The following CNTNAP5 variants were observed in gnomAD, a reference collection of about 807,000 sequenced individuals.
CNTNAP5 encodes contactin associated protein family member 5.
A neutral mutation model predicts 150.2 loss-of-function variants in CNTNAP5; 72 were observed. That is an observed-to-expected ratio of 0.48 (90% CI 0.40 to 0.58). The LOEUF (loss-of-function observed/expected upper bound fraction) is 0.58. Among genes scored for constraint, CNTNAP5 ranks in the 20% least tolerant of loss-of-function variants. CNTNAP5 has a pLI of 0.00. For synonymous variants in CNTNAP5, 672 were observed against 619.8 expected (o/e 1.08, Z -1.25); for missense variants, 1,636 against 1,626.2 (o/e 1.01, Z -0.10).
intron 10 of CNTNAP5, among the ~76,000 whole-genome samples, chr2:124,562,183 C>CA (rs1282108165): frequency 6.6e-6 from 1 of 152,186 alleles, no homozygotes; most frequent in African/African-American, 2.4e-5. Flanking sequence ...CCTCCACTCC[C>CA]ATTAGCCCAA....
chr2:124,898,040 G>A (rs1243258703), intron 21 of CNTNAP5, among the ~76,000 whole-genome samples: 1 of 149,680 alleles, frequency 6.7e-6, no homozygotes, highest in South Asian at 2.1e-4. Context: ...TTATTTCTTG[G>A]ATTTTGGGTC....
At chr2:124,756,791 A>G in intron 14 of CNTNAP5, among the ~76,000 whole-genome samples, 1 of 152,070 alleles carries the variant, frequency 6.6e-6, no homozygotes, top group East Asian at 1.9e-4. Flanking sequence ...GAGGAGGGAG[A>G]GCATCAGGAA....
At chr2:124,279,832 T>G (rs1430268) in intron 3 of CNTNAP5, among the ~76,000 whole-genome samples, 13,805 of 152,080 alleles carry the variant, frequency 0.091, 708 homozygotes, top group Non-Finnish European at 0.12. Context: ...CAGGGATTCA[T>G]CCCTTACCAC....
intron 13 of CNTNAP5, among the ~76,000 whole-genome samples, chr2:124,713,852 G>A (rs1679890406): frequency 6.6e-6 from 1 of 152,104 alleles, no homozygotes; most frequent in Admixed American, 6.6e-5. Flanking sequence ...CAAGGAGCAT[G>A]AGGCTCATCA....
intron 10 of CNTNAP5, among the ~76,000 whole-genome samples, chr2:124,555,826 G>A (rs368248946): frequency 3.3e-5 from 5 of 152,184 alleles, no homozygotes; most frequent in South Asian, 4.1e-4. Flanking sequence ...AACTAGAAGC[G>A]AAGAGGGATT....
At chr2:124,059,246 C>T (rs997594443) in intron 1 of CNTNAP5, among the ~76,000 whole-genome samples, 2 of 152,126 alleles carry the variant, frequency 1.3e-5, no homozygotes, top group African/African-American at 4.8e-5. Flanking sequence ...CTAATGGCCT[C>T]ACTAGATTTG....
At chr2:124,876,308 GA>G (rs1677859884) in intron 21 of CNTNAP5, among the ~76,000 whole-genome samples, 1 of 151,994 alleles carries the variant, frequency 6.6e-6, no homozygotes, top group African/African-American at 2.4e-5. Context: ...GAAGAGAGTG[GA>G]GATAGTTCAG....
intron 3 of CNTNAP5, among the ~76,000 whole-genome samples, chr2:124,244,682 G>T (rs1286923438): frequency 1.3e-5 from 2 of 152,110 alleles, no homozygotes; most frequent in Non-Finnish European, 2.9e-5. Flanking sequence ...GTAAAATAGA[G>T]TGGCGTTAGG....
intron 1 of CNTNAP5, among the ~76,000 whole-genome samples, chr2:124,183,936 A>G (rs989823651): frequency 6.6e-6 from 1 of 152,204 alleles, no homozygotes; most frequent in Non-Finnish European, 1.5e-5. Context: ...CACGAACCTA[A>G]TAGATTATGT....
rs1036499291 is a variant in CNTNAP5 at position 124,897,959 on chromosome 2, G to C, written c.3437-4923G>C. Among the ~76,000 whole-genome samples the C allele has an allele frequency of 1.9e-4, 28 of 150,708 alleles. 2 individuals carry two copies. Among genetic ancestry groups the C allele is most frequent in the African/African-American group, 6.9e-4 (28 of 40,416 alleles). The stretch of plus-strand genomic sequence containing the variant: ...CAAGTGTGTGTGTGTGTGTGTGTGT[G>C]TGTGTGTGTGTGTGTGTGTATGTGT... On this transcript the variant is annotated intron_variant, in intron 21 of 23. Transcript: ENST00000682447.
chr2:124,813,830 C>T (rs1182814224), intron 19 of CNTNAP5, among the ~76,000 whole-genome samples: 1 of 151,934 alleles, frequency 6.6e-6, no homozygotes, highest in Non-Finnish European at 1.5e-5. Flanking sequence ...ATAGCTGCTT[C>T]CACAGTCTCT....
intron 13 of CNTNAP5, among the ~76,000 whole-genome samples, chr2:124,707,144 G>C: frequency 3.2e-5 from 1 of 30,924 alleles, no homozygotes; most frequent in Non-Finnish European, 6.6e-5. Context: ...AGAAGAGGAA[G>C]AAGAAGAAGA....
chr2:124,747,785 CTTCT>C (rs1185508335), intron 14 of CNTNAP5, among the ~76,000 whole-genome samples: 12 of 107,936 alleles, frequency 1.1e-4, no homozygotes, highest in African/African-American at 4.5e-4. Context: ...ACTCCTAACT[CTTCT>C]TTTTTTTTTT....
At chr2:124,860,626 G>T (rs1197857337) in intron 19 of CNTNAP5, among the ~76,000 whole-genome samples, 1 of 151,310 alleles carries the variant, frequency 6.6e-6, no homozygotes, top group African/African-American at 2.4e-5. Context: ...TACTTACCAT[G>T]GGCCAGACAC....
chr2:124,371,109 TA>T (rs1334822065), intron 3 of CNTNAP5, among the ~76,000 whole-genome samples: 3 of 152,242 alleles, frequency 2.0e-5, no homozygotes, highest in African/African-American at 7.2e-5. Context: ...ACCTCTCACA[TA>T]AGTGTCTATG....
At chr2:124,438,292 T>A (rs1165325200) in intron 5 of CNTNAP5, among the ~76,000 whole-genome samples, 2 of 152,132 alleles carry the variant, frequency 1.3e-5, no homozygotes, top group African/African-American at 4.8e-5. Flanking sequence ...TTTTTACACA[T>A]CTCATTCAAA....
At chr2:124,087,558 C>A (rs1393629109) in intron 1 of CNTNAP5, among the ~76,000 whole-genome samples, 1 of 151,726 alleles carries the variant, frequency 6.6e-6, no homozygotes, top group Non-Finnish European at 1.5e-5. Flanking sequence ...CCCATTTCTA[C>A]TAAAAATACA....
In CNTNAP5 at chr2:124,147,295, TACTATATATCAGCTA is replaced by T. The variant is rs534041047; in HGVS notation, c.83-74407_83-74393del. Among the ~76,000 whole-genome samples the T allele has an allele frequency of 1.9e-3, 288 of 152,346 alleles. 2 individuals carry two copies. The highest frequency in any genetic ancestry group is 1.5e-3 in the Admixed American group (23 of 15,302). Reference sequence around the variant, plus strand: ...ATTCAGAGAAGTAATTCAATGCATGTACTATATATCAGCTAACACACTATATATTAGCTAACACAC... The same window carrying T: ...ATTCAGAGAAGTAATTCAATGCATGTACACACTATATATTAGCTAACACAC... On this transcript the variant is annotated intron_variant, in intron 1 of 23. Transcript: ENST00000682447.
chr2:124,475,681 G>A (rs1693622755), intron 7 of CNTNAP5, among the ~76,000 whole-genome samples: 1 of 152,000 alleles, frequency 6.6e-6, no homozygotes, highest in Non-Finnish European at 1.5e-5. Flanking sequence ...GCTCTGAAGT[G>A]TGTCTGATGT....
Sources: gnomAD v4.1 joint callset for allele counts (sites outside exome capture counted in the v4.1 genomes callset) on GRCh38, gnomAD v4.1.1 for gene constraint, MANE v1.5 for transcripts, NCBI Gene and HGNC (gene_info 2026-07-23, HGNC 2026-07-21) for gene names.